The following HTR4 variants were observed in gnomAD, a reference collection of about 807,000 sequenced individuals.
HTR4 encodes the protein 5-hydroxytryptamine receptor 4.
HTR4 carries 16 observed loss-of-function variants against 36.8 expected under a neutral mutation model. The ratio of observed to expected loss-of-function variants is 0.43; its 90% CI spans 0.29 to 0.66. The LOEUF (loss-of-function observed/expected upper bound fraction) is 0.66, where lower values mean the gene tolerates loss of function less well. Ranked by LOEUF, HTR4 falls within the 30% of genes least tolerant of loss-of-function variation. The pLI, the probability that HTR4 is intolerant of heterozygous loss-of-function variation, is 0.13. For missense variants in HTR4, 438 were observed against 490.9 expected (o/e 0.89, Z 1.02); for synonymous variants, 189 against 185.1 (o/e 1.02, Z -0.17).
At chr5:148,456,491 A>G (rs546718659) in intron 5 of HTR4, among the ~76,000 whole-genome samples, 26 of 152,230 alleles carry the variant, frequency 1.7e-4, no homozygotes, top group Non-Finnish European at 3.5e-4. Context: ...AGGGTACTGC[A>G]GGCAAACCGA....
intron 2 of HTR4, among the ~76,000 whole-genome samples, chr5:148,613,566 C>T (rs1269588564): frequency 2.0e-5 from 3 of 150,068 alleles, no homozygotes; most frequent in South Asian, 2.1e-4. Flanking sequence ...AAACCCACAG[C>T]CAATATCATA....
At chr5:148,643,247 C>T (rs1053515181) in intron 1 of HTR4, among the ~76,000 whole-genome samples, 1 of 152,064 alleles carries the variant, frequency 6.6e-6, no homozygotes, top group African/African-American at 2.4e-5. Flanking sequence ...AGTTTAGCAT[C>T]TTTGTCAAAA....
At chr5:148,512,853 C>T (rs746108961) in intron 5 of HTR4, among the ~76,000 whole-genome samples, 11 of 152,058 alleles carry the variant, frequency 7.2e-5, no homozygotes, top group Non-Finnish European at 1.3e-4. Context: ...ATCGCTTGAA[C>T]CCGGGAGGCA....
intron 2 of HTR4, among the ~76,000 whole-genome samples, chr5:148,591,023 G>A (rs1761545508): frequency 6.6e-6 from 1 of 152,130 alleles, no homozygotes; most frequent in Admixed American, 6.6e-5. Flanking sequence ...TAAGGAAGGG[G>A]TCCAGCTTCA....
intron 5 of HTR4, chr5:148,520,992 G>A (rs779841693): frequency 4.4e-6 from 6 of 1,367,584 alleles, no homozygotes; most frequent in East Asian, 9.1e-5. Context: ...AGGACTAAGG[G>A]CTAAGAATGC....
At chr5:148,630,174 T>C (rs1012392296) in intron 2 of HTR4, 5 of 152,192 alleles carry the variant, frequency 3.3e-5, no homozygotes, top group African/African-American at 1.2e-4. Flanking sequence ...TCCGTTTGCT[T>C]AAAATATATA....
At chr5:148,562,888 C>T (rs1760276600) in intron 2 of HTR4, among the ~76,000 whole-genome samples, 1 of 152,168 alleles carries the variant, frequency 6.6e-6, no homozygotes, top group Non-Finnish European at 1.5e-5. Context: ...AATGTCATAC[C>T]ATTCTAGTTC....
At chr5:148,497,149 GAAC>G (rs1231296796) in intron 6 of HTR4, among the ~76,000 whole-genome samples, 1 of 151,972 alleles carries the variant, frequency 6.6e-6, no homozygotes, top group Non-Finnish European at 1.5e-5. Flanking sequence ...TTTTTTTAAG[GAAC>G]TTTAGTTATT....
At position 148,509,785 on chromosome 5, in the gene HTR4, A is replaced by G. The variant is rs55727780; in HGVS notation, c.747T>C (p.His249=). Reference sequence around the variant, plus strand: ...CTGCTTTGGTCTCTGTCCTCATGCGATGAGTGCTATGCTGGTCTGCCGACT... The same window carrying G: ...CTGCTTTGGTCTCTGTCCTCATGCGGTGAGTGCTATGCTGGTCTGCCGACT... ...RPQSADQHST[H]RMRTETKAAK... Residue 249 remains histidine, a synonymous_variant, in exon 6 of 7, where the codon CAT becomes CAC. Transcript: ENST00000377888. The G allele has an allele frequency of 0.014, 23,323 of 1,613,962 alleles. 268 individuals carry two copies. Among genetic ancestry groups the G allele is most frequent in the Middle Eastern group, 0.057 (344 of 6,060 alleles).
intron 4 of HTR4, among the ~76,000 whole-genome samples, chr5:148,525,136 C>T (rs1758205244): frequency 2.0e-5 from 3 of 152,138 alleles, no homozygotes; most frequent in South Asian, 4.1e-4. Flanking sequence ...GACATGGCTG[C>T]AAAATCAAAC....
At chr5:148,489,903 A>G (rs1196757175) in intron 6 of HTR4, among the ~76,000 whole-genome samples, 1 of 152,040 alleles carries the variant, frequency 6.6e-6, no homozygotes, top group Non-Finnish European at 1.5e-5. Context: ...TTAAAATCCC[A>G]CATGTCTGAA....
At chr5:148,504,821 G>A (rs561507796) in intron 6 of HTR4, among the ~76,000 whole-genome samples, 36 of 152,266 alleles carry the variant, frequency 2.4e-4, no homozygotes, top group Non-Finnish European at 3.2e-4. Context: ...TATCACTACC[G>A]ATCCCACAGA....
chr5:148,584,817 A>G (rs1761288934), intron 2 of HTR4, among the ~76,000 whole-genome samples: 2 of 152,168 alleles, frequency 1.3e-5, no homozygotes, highest in South Asian at 2.1e-4. Flanking sequence ...CTGGCATCAC[A>G]TCTTCCCTTT....
intron 1 of HTR4, among the ~76,000 whole-genome samples, chr5:148,652,796 G>C (rs1754079014): frequency 6.6e-6 from 1 of 152,176 alleles, no homozygotes; most frequent in African/African-American, 2.4e-5. Flanking sequence ...GCAAACGTAA[G>C]AGAGATTTTA....
In HTR4 at chr5:148,644,421, AGTTTTT is replaced by A. The variant is rs1215913343; in HGVS notation, c.-47-7366_-47-7361del. Among the ~76,000 whole-genome samples the A allele has an allele frequency of 2.1e-3, 180 of 85,846 alleles. 2 individuals carry two copies. Among genetic ancestry groups the A allele is most frequent in the African/African-American group, 7.6e-3 (170 of 22,316 alleles). The allele number at this position is 85,846 out of a possible 152,430, so 56.3% of individuals were successfully genotyped here. A position where few individuals can be genotyped will look rare whatever the true frequency, so the allele number is the denominator to read the frequency against. On this transcript the variant is annotated intron_variant, in intron 1 of 6. Transcript: ENST00000377888. ...AAGATGAATAGGTCTCAAGCTCACA[AGTTTTT>A]TTTTTTTTTTTTTTTTTTTTTTTTT...
At chr5:148,552,746 T>A (rs1042018740) in intron 2 of HTR4, among the ~76,000 whole-genome samples, 2 of 152,246 alleles carry the variant, frequency 1.3e-5, no homozygotes, top group Non-Finnish European at 2.9e-5. Context: ...TTGACTTTTG[T>A]TATCTTTTTC....
At chr5:148,573,537 A>G (rs747388943) in intron 2 of HTR4, among the ~76,000 whole-genome samples, 10 of 152,054 alleles carry the variant, frequency 6.6e-5, no homozygotes, top group Non-Finnish European at 1.3e-4. Context: ...GAAATGTTCC[A>G]GCCTGGAAGT....
intron 4 of HTR4, among the ~76,000 whole-genome samples, chr5:148,527,722 C>G (rs1758351928): frequency 6.6e-6 from 1 of 152,114 alleles, no homozygotes; most frequent in African/African-American, 2.4e-5. Context: ...TCAATTGATT[C>G]AGCTGCCTAG....
chr5:148,538,834 A>C (rs1257190378), intron 4 of HTR4, among the ~76,000 whole-genome samples: 1 of 152,228 alleles, frequency 6.6e-6, no homozygotes, highest in Non-Finnish European at 1.5e-5. Flanking sequence ...TATTTCTATC[A>C]AACTACCAAA....
Sources: allele counts gnomAD v4.1 joint callset (sites outside exome capture counted in the v4.1 genomes callset), GRCh38; gene constraint gnomAD v4.1.1; transcripts MANE v1.5; gene names NCBI Gene and HGNC (gene_info 2026-07-23, HGNC 2026-07-21).